Variants in ITSN1 observed in about 807,000 individuals in gnomAD.
ITSN1 encodes intersectin-1.
A neutral mutation model predicts 239.8 loss-of-function variants in ITSN1; 58 were observed. That is an observed-to-expected ratio of 0.24 (90% confidence interval 0.20 to 0.30). The LOEUF (loss-of-function observed/expected upper bound fraction) is 0.30. Among genes scored for constraint, ITSN1 ranks in the 10% least tolerant of loss-of-function variants. The pLI is 1.00. For synonymous variants in ITSN1, 780 were observed against 770.8 expected (o/e 1.01, Z -0.20); for missense variants, 1,558 against 2,103.3 (o/e 0.74, Z 5.07).
At chr21:33,690,099 C>G (rs1419668291) in intron 1 of ITSN1, among the ~76,000 whole-genome samples, 2 of 149,430 alleles carry the variant, frequency 1.3e-5, no homozygotes, top group Non-Finnish European at 3.0e-5. Flanking sequence ...GCCTGGCCAA[C>G]ATAGTGAAAC....
Position 33,895,682 on chromosome 21 carries a change from CGTG to C in ITSN1, c.*7383_*7385del, listed in dbSNP as rs1569358848. ...GTATGCATGTGCATGTTTGTGTGTG[CGTG>C]CATATGTGTATGTGTGTGCGCGTGC... On this transcript the variant is annotated 3_prime_UTR_variant, in exon 40 of 40. Transcript: ENST00000381318. 1.4e-5 allele frequency: 2 copies of C among 147,458 alleles called. No homozygotes were observed. The highest frequency in any genetic ancestry group is 5.2e-5 in the African/African-American group (2 of 38,620). The allele number at this position is 147,458 out of a possible 1,614,324, so 9.1% of individuals were successfully genotyped here.
In ITSN1 at chr21:33,734,930, T is replaced by TGTC. The variant is rs1601908794; in HGVS notation, c.186-113_186-111dup. The TGTC allele has an allele frequency of 2.1e-5, 16 of 779,560 alleles. No individual in the cohort carries two copies. In the East Asian group the frequency reaches 4.0e-4, roughly 20 times the overall value. 48.3% of individuals were successfully genotyped at this position (779,560 alleles called of 1,614,324 possible). On this transcript the variant is annotated intron_variant, in intron 4 of 39. Coordinates refer to ENST00000381318, the MANE Select transcript of ITSN1 (RefSeq NM_003024.3). ...GGTAAACAGTTATGTTTTCTGTTGT[T>TGTC]GTCTCTAGGGGTAAGAGTGCTAATT...
chr21:33,703,062 G>C lies in ITSN1; in HGVS notation c.-32-15735G>C, dbSNP rs550918481. On this transcript the variant is annotated intron_variant, in intron 1 of 39. Transcript: ENST00000381318. ...GATCGCACCACTGCACTCCAGCCTG[G>C]GTGGCTGAGCGAGACTCTGTCTGTG... is the stretch of plus-strand genomic sequence containing the variant. 2.9e-4 allele frequency among the ~76,000 whole-genome samples: 43 copies of C among 150,622 alleles called. No homozygotes were observed. The East Asian group carries it at 8.5e-3, about 30-fold the overall frequency.
Position 33,889,071 on chromosome 21 carries a change from G to C in ITSN1, c.*771G>C, listed in dbSNP as rs1986173818. 6.6e-6 allele frequency: 1 copy of C among 151,832 alleles called. No individual in the cohort carries two copies. The highest frequency in any genetic ancestry group is 2.4e-5 in the African/African-American group (1 of 41,318). The allele number at this position is 151,832 out of a possible 1,614,324, so 9.4% of individuals were successfully genotyped here. On this transcript the variant is annotated 3_prime_UTR_variant, in exon 40 of 40. Coordinates refer to ENST00000381318, the MANE Select transcript of ITSN1 (RefSeq NM_003024.3). ...AGAAAGTCACCCCTCTGCTGGATCA[G>C]ATCACTACAGGTCACTGGAAAGGCA... is the stretch of plus-strand genomic sequence containing the variant.
chr21:33,882,190 C>A lies in ITSN1; in HGVS notation c.4342-53C>A. Reference sequence around the variant, plus strand: ...CTGATTCTGATGGAGCCCATGCTTTCAGATGCGGAGAAACAAAAATGCTAC... The same window carrying A: ...CTGATTCTGATGGAGCCCATGCTTTAAGATGCGGAGAAACAAAAATGCTAC... On this transcript the variant is annotated intron_variant, in intron 34 of 39. Coordinates refer to ENST00000381318, the MANE Select transcript of ITSN1 (RefSeq NM_003024.3). This position sits in a 1 kb window ranked among gnomAD's most constrained non-coding sequence, Gnocchi z 4.5. 6.6e-7 allele frequency: 1 copy of A among 1,507,912 alleles called. No individual in the cohort carries two copies. The highest frequency in any genetic ancestry group is 9.1e-7 in the Non-Finnish European group (1 of 1,095,420). The allele number at this position is 1,507,912 out of a possible 1,614,324, so 93.4% of individuals were successfully genotyped here. A position where few individuals can be genotyped will look rare whatever the true frequency, so the allele number is the denominator to read the frequency against.
At chr21:33,876,102 CTTCTTTCTTTCTTTCTTTCT>C (rs750725563) in intron 34 of ITSN1, among the ~76,000 whole-genome samples, 2,627 of 110,156 alleles carry the variant, frequency 0.024, 73 homozygotes, top group Admixed American at 0.07. Context: ...TCTTTCTTTC[CTTCTTTCTTTCTTTCTTTCT>C]TTCTTTCTTT....
At chr21:33,776,916 G>T (rs1357488509) in intron 14 of ITSN1, among the ~76,000 whole-genome samples, 1 of 152,036 alleles carries the variant, frequency 6.6e-6, no homozygotes, top group Non-Finnish European at 1.5e-5. Flanking sequence ...AAATTTTGAT[G>T]AAGTTCAGTT....
At position 33,874,654 on chromosome 21, in the gene ITSN1, C is replaced by CTT. The variant is rs58398933; in HGVS notation, c.4174-688_4174-687dup. Among the ~76,000 whole-genome samples, 37 of 142,778 alleles carry CTT rather than the reference C, an allele frequency of 2.6e-4. 1 individual carries two copies. Among genetic ancestry groups the CTT allele is most frequent in the South Asian group, 1.3e-3 (6 of 4,586 alleles). The allele number at this position is 142,778 out of a possible 152,430, so 93.7% of individuals were successfully genotyped here. A position where few individuals can be genotyped will look rare whatever the true frequency, so the allele number is the denominator to read the frequency against. On this transcript the variant is annotated intron_variant, in intron 33 of 39. Transcript: ENST00000381318. ...CAGGGTGAATATTTTCTTTTTCTTT[C>CTT]TTTTTTTTTTTTTGAGACGGAGCCT...
At chr21:33,767,573 A>G (rs1602109145) in intron 10 of ITSN1, 140 bp from the exon 11 acceptor site, 1 of 461,292 alleles carries the variant, frequency 2.2e-6, no homozygotes, top group East Asian at 3.5e-5. Context: ...AGAGAAGACC[A>G]AATCTTTATA....
chr21:33,888,022 T>C, intron 39 of ITSN1, 130 bp from the exon 40 acceptor site: 2 of 832,654 alleles, frequency 2.4e-6, no homozygotes, highest in Non-Finnish European at 3.7e-6. Flanking sequence ...ATCCTAGTGT[T>C]GGTTTACATC....
intron 1 of ITSN1, among the ~76,000 whole-genome samples, chr21:33,665,706 G>A (rs753504522): frequency 6.6e-5 from 10 of 152,104 alleles, no homozygotes; most frequent in Admixed American, 6.5e-4. Context: ...ATTTACCATA[G>A]CCAAAAGGTG....
At chr21:33,650,102 C>G (rs529673227) in intron 1 of ITSN1, among the ~76,000 whole-genome samples, 1 of 151,922 alleles carries the variant, frequency 6.6e-6, no homozygotes, top group Non-Finnish European at 1.5e-5. Context: ...GAATTTTACC[C>G]TTGGTGGTTA....
At chr21:33,884,446 G>A (rs149792280) in intron 36 of ITSN1, among the ~76,000 whole-genome samples, 1 of 152,236 alleles carries the variant, frequency 6.6e-6, no homozygotes, top group African/African-American at 2.4e-5. Context: ...CACTGCCCTG[G>A]AGCCAAATGA....
At chr21:33,710,661 T>G (rs560739953) in intron 1 of ITSN1, among the ~76,000 whole-genome samples, 6 of 152,014 alleles carry the variant, frequency 3.9e-5, no homozygotes, top group Non-Finnish European at 8.8e-5. Flanking sequence ...TTTGGTATTA[T>G]AGTTGTATGA....
chr21:33,760,939 T>C (rs1278701984), intron 8 of ITSN1, among the ~76,000 whole-genome samples: 2 of 152,148 alleles, frequency 1.3e-5, no homozygotes, highest in African/African-American at 4.8e-5. Flanking sequence ...TTGTCTGATG[T>C]CTAAGGCCAC....
chr21:33,751,946 C>A, intron 7 of ITSN1, 40 bp downstream of exon 7: 1 of 1,305,246 alleles, frequency 7.7e-7, no homozygotes, highest in Non-Finnish European at 1.1e-6. Flanking sequence ...TTGGTTAAGG[C>A]CATTACCTGA....
chr21:33,671,045 C>T (rs532380245), intron 1 of ITSN1, among the ~76,000 whole-genome samples: 19 of 152,210 alleles, frequency 1.2e-4, no homozygotes, highest in Middle Eastern at 3.4e-3. Flanking sequence ...TTTTAGGTTC[C>T]GATAATTATA....
chr21:33,866,625 T>C (rs1311132744), intron 32 of ITSN1, among the ~76,000 whole-genome samples: 1 of 152,092 alleles, frequency 6.6e-6, no homozygotes. Context: ...AGTTATCAGG[T>C]CTCAGGGCTC....
intron 1 of ITSN1, among the ~76,000 whole-genome samples, chr21:33,644,141 ATTTCTTAG>A (rs1186084697): frequency 1.3e-5 from 2 of 152,208 alleles, no homozygotes; most frequent in Non-Finnish European, 2.9e-5. Flanking sequence ...CATAGTTATT[ATTTCTTAG>A]TTTATCTCTG....
Sources: allele counts gnomAD v4.1 joint callset (sites outside exome capture counted in the v4.1 genomes callset), GRCh38; gene constraint gnomAD v4.1.1; non-coding constraint Gnocchi (gnomAD v3.1); transcripts MANE v1.5; gene names NCBI Gene and HGNC (gene_info 2026-07-23, HGNC 2026-07-21).